ADAP1: variants seen among roughly 807,000 people sequenced by gnomAD.
ADAP1 encodes the protein ArfGAP with dual PH domains 1, also known as arf-GAP with dual PH domain-containing protein 1.
A neutral mutation model predicts 54.9 loss-of-function variants in ADAP1; 31 were observed. That is an observed-to-expected ratio of 0.56 (90% CI 0.42 to 0.76). The LOEUF is 0.76. Among genes scored for constraint, ADAP1 ranks in the 30% least tolerant of loss-of-function variants. The pLI, the probability that ADAP1 is intolerant of heterozygous loss-of-function variation, is 0.00. For synonymous variants in ADAP1, 313 were observed against 202.6 expected (o/e 1.55, Z -4.63); for missense variants, 535 against 512.4 (o/e 1.04, Z -0.42).
intron 4 of ADAP1, among the ~76,000 whole-genome samples, chr7:906,457 G>GA (rs200690504): frequency 1.5e-3 from 107 of 69,520 alleles, no homozygotes; most frequent in Middle Eastern, 9.8e-3. Context: ...AAGGAGAAAG[G>GA]GAAAGGAGAA....
At chr7:900,666 G>A (rs748686555) in intron 6 of ADAP1, 50 bp from the exon 7 acceptor site, 1 of 1,377,360 alleles carries the variant, frequency 7.3e-7, no homozygotes, top group South Asian at 1.3e-5. Context: ...TGCAGCGCTG[G>A]GGTCCCCACA....
intron 1 of ADAP1, among the ~76,000 whole-genome samples, chr7:943,268 AAGGGAG>A (rs145052153): frequency 1.8e-4 from 3 of 16,646 alleles, no homozygotes; most frequent in East Asian, 6.6e-3. Flanking sequence ...GAGGAGGAGG[AAGGGAG>A]AGAGGAGGAG....
intron 4 of ADAP1, 21 bp from the exon 5 acceptor site, chr7:905,193 G>C (rs201250654): frequency 1.6e-5 from 25 of 1,598,708 alleles, no homozygotes; most frequent in East Asian, 4.5e-5. Context: ...AAGGGGACAC[G>C]AGTCGGTGAC....
intron 1 of ADAP1, among the ~76,000 whole-genome samples, chr7:939,218 G>A (rs760792883): frequency 6.6e-6 from 1 of 152,038 alleles, no homozygotes; most frequent in Non-Finnish European, 1.5e-5. Context: ...AATATTTACT[G>A]TCATTTTTGT....
At chr7:951,372 CAAAA>C (rs1221252727) in intron 1 of ADAP1, among the ~76,000 whole-genome samples, 57 of 126,552 alleles carry the variant, frequency 4.5e-4, no homozygotes, top group African/African-American at 1.6e-3. Context: ...GACTCCGTCT[CAAAA>C]AAAAAAAAAA....
upstream of ADAP1, among the ~76,000 whole-genome samples, chr7:954,872 G>C (rs527462962): frequency 2.1e-3 from 323 of 152,030 alleles, 3 homozygotes; most frequent in African/African-American, 7.4e-3. Flanking sequence ...ACCTGCCTGG[G>C]CGCGAGGCCG....
Position 938,378 on chromosome 7 carries a change from C to G in ADAP1, c.83-2873G>C, listed in dbSNP as rs1337810648. 6.6e-6 allele frequency among the ~76,000 whole-genome samples: 1 copy of G among 152,152 alleles called. No individual in the cohort carries two copies. Among genetic ancestry groups the G allele is most frequent in the East Asian group, 1.9e-4 (1 of 5,192 alleles). The stretch of plus-strand genomic sequence containing the variant: ...AAAATTTTTGGTAGAGATGAAGTCT[C>G]TCTATGTTGCCCAGCTTGGGCTTGA... On this transcript the variant is annotated intron_variant, in intron 1 of 10. Coordinates refer to ENST00000265846, the MANE Select transcript of ADAP1 (RefSeq NM_006869.4). This position sits in a 1 kb window ranked among gnomAD's most constrained non-coding sequence, Gnocchi z 4.4.
chr7:905,550 G>GGGAGAAGGGAGAAGGGAGAAA (rs1845163199), intron 4 of ADAP1: 2 of 6,088 alleles, frequency 3.3e-4, no homozygotes, highest in Non-Finnish European at 5.2e-4. Context: ...GAAGGGAGAA[G>GGGAGAAGGGAGAAGGGAGAAA]GGAGAAAGGA....
intron 4 of ADAP1, among the ~76,000 whole-genome samples, chr7:909,172 G>A (rs1845608900): frequency 7.5e-6 from 1 of 134,192 alleles, no homozygotes; most frequent in African/African-American, 2.8e-5. Flanking sequence ...CCCGACAGCA[G>A]GCGCCAGCGG....
At position 917,598 on chromosome 7, in the gene ADAP1, G is replaced by A. The variant is rs113452736; in HGVS notation, c.388+2370C>T. Reference sequence around the variant, plus strand: ...TCCTGCATCAGCCTGCCGAGGAGCTGGGATTACAGGCACCTGCCACCACAC... The same window carrying A: ...TCCTGCATCAGCCTGCCGAGGAGCTAGGATTACAGGCACCTGCCACCACAC... On this transcript the variant is annotated intron_variant, in intron 4 of 10. Coordinates refer to ENST00000265846, the MANE Select transcript of ADAP1 (RefSeq NM_006869.4). Among the ~76,000 whole-genome samples the A allele has an allele frequency of 2.5e-3, 374 of 152,264 alleles. 2 individuals are homozygous for A. Among genetic ancestry groups the A allele is most frequent in the Non-Finnish European group, 3.8e-3 (260 of 68,014 alleles).
intron 6 of ADAP1, 125 bp downstream of exon 6, chr7:904,001 T>A: frequency 7.5e-7 from 1 of 1,326,712 alleles, no homozygotes; most frequent in Admixed American, 2.4e-5. Flanking sequence ...CTTCCCGCCT[T>A]CTCATGCCGC....
Position 926,677 on chromosome 7 carries a change from G to A in ADAP1, c.214-33C>T. Reference sequence around the variant, plus strand: ...AGAGGAGGGGCCGGGTCAGAGGCCTGGGGTCCCAGGGGCAGCCTAGGAGGT... The same window carrying A: ...AGAGGAGGGGCCGGGTCAGAGGCCTAGGGTCCCAGGGGCAGCCTAGGAGGT... On this transcript the variant is annotated intron_variant, in intron 2 of 10. Transcript: ENST00000265846. This position sits in a 1 kb window ranked among gnomAD's most constrained non-coding sequence, Gnocchi z 4.6. The A allele has an allele frequency of 2.0e-6, 3 of 1,506,648 alleles. No homozygotes were observed. Among genetic ancestry groups the A allele is most frequent in the East Asian group, 2.6e-5 (1 of 38,620 alleles). 93.3% of individuals were successfully genotyped at this position (1,506,648 alleles called of 1,614,324 possible).
intron 4 of ADAP1, among the ~76,000 whole-genome samples, chr7:914,761 C>G (rs1845862198): frequency 6.6e-6 from 1 of 152,208 alleles, no homozygotes; most frequent in Non-Finnish European, 1.5e-5. Context: ...CCCTGGAACC[C>G]CGCCCTGCAC....
At chr7:948,410 T>A (rs1230878149) in intron 1 of ADAP1, among the ~76,000 whole-genome samples, 6 of 152,080 alleles carry the variant, frequency 3.9e-5, no homozygotes, top group African/African-American at 1.4e-4. Context: ...CGCCGGCCCA[T>A]GGCCTGGCCT....
chr7:911,285 C>T lies in ADAP1; in HGVS notation c.389-6113G>A, dbSNP rs1212371534. Among the ~76,000 whole-genome samples the T allele has an allele frequency of 2.0e-5, 3 of 152,292 alleles. No individual in the cohort carries two copies. The East Asian group carries it at 5.8e-4, about 29-fold the overall frequency. On this transcript the variant is annotated intron_variant, in intron 4 of 10. Coordinates refer to ENST00000265846, the MANE Select transcript of ADAP1 (RefSeq NM_006869.4). ...AGCCCCCAGCATGGGGCCCGGCCCC[C>T]GACAGGCCTGGAGAGACCCCCCCAC...
chr7:923,246 C>T (rs1268222294), intron 3 of ADAP1: 2 of 152,012 alleles, frequency 1.3e-5, no homozygotes, highest in African/African-American at 4.8e-5. Flanking sequence ...CCTGTCCAGC[C>T]CGGACACCTG....
rs141478412 is a variant in ADAP1 at position 946,809 on chromosome 7, C to T, written c.82+7587G>A. Among the ~76,000 whole-genome samples the T allele has an allele frequency of 4.7e-3, 709 of 152,332 alleles. 5 individuals are homozygous for T. The highest frequency in any genetic ancestry group is 0.02 in the Middle Eastern group (6 of 294). On this transcript the variant is annotated intron_variant, in intron 1 of 10. Coordinates refer to ENST00000265846, the MANE Select transcript of ADAP1 (RefSeq NM_006869.4). The surrounding 1 kb of genome is among the most constrained non-coding windows in gnomAD (Gnocchi z 4.3). ...GGTGGTGGTTGAACAGCATGGAGAA[C>T]GTTCTAAATGCCACTGAATTTTCAC...
chr7:950,946 T>G (rs933102775), intron 1 of ADAP1, among the ~76,000 whole-genome samples: 1 of 150,974 alleles, frequency 6.6e-6, no homozygotes, highest in Non-Finnish European at 1.5e-5. Context: ...GAGCCCTTGT[T>G]GAATGGGGAC....
intron 6 of ADAP1, among the ~76,000 whole-genome samples, chr7:902,773 C>T (rs78161073): frequency 0.076 from 11,626 of 152,118 alleles, 560 homozygotes; most frequent in South Asian, 0.17. Context: ...CATGAAAAGA[C>T]GAGGGACCCT....
Sources: gnomAD v4.1 joint callset for allele counts (sites outside exome capture counted in the v4.1 genomes callset) on GRCh38, gnomAD v4.1.1 for gene constraint, Gnocchi (gnomAD v3.1) non-coding constraint, MANE v1.5 for transcripts, NCBI Gene and HGNC (gene_info 2026-07-23, HGNC 2026-07-21) for gene names.